Variants in ACSL5 observed in about 807,000 individuals in gnomAD.
ACSL5 encodes acyl-CoA synthetase long chain family member 5, also known as long-chain-fatty-acid--CoA ligase 5.
A neutral mutation model predicts 84.9 loss-of-function variants in ACSL5; 50 were observed. That is an observed-to-expected ratio of 0.59 (90% CI 0.47 to 0.75). ACSL5 has a LOEUF of 0.75. Ranked by LOEUF, ACSL5 falls within the 30% of genes least tolerant of loss-of-function variation. ACSL5 has a pLI of 0.00. For missense variants in ACSL5, 775 were observed against 830.4 expected, an observed-to-expected ratio of 0.93 and a Z score of 0.82; for synonymous variants, 280 against 300.7, an observed-to-expected ratio of 0.93 and a Z score of 0.71.
Position 112,394,980 on chromosome 10 carries a change from C to T in ACSL5, c.34C>T (p.Leu12Phe), listed in dbSNP as rs774593558. ...LFIFNFLFSP[L>F]PTPALICILT... is the part of the protein sequence containing the mutation. The stretch of plus-strand genomic sequence containing the variant: ...TATCTTTAACTTTTTGTTTTCCCCA[C>T]TTCCGACCCCGGCGTTGATCTGCAT... Residue 12 changes from leucine to phenylalanine, a missense_variant, in exon 2 of 21, where the codon CTT becomes TTT. Transcript: ENST00000354655. The T allele has an allele frequency of 6.2e-7, 1 of 1,613,924 alleles. No individual in the cohort carries two copies. The highest frequency in any genetic ancestry group is 8.5e-7 in the Non-Finnish European group (1 of 1,180,020).
At position 112,374,127 on chromosome 10, in the gene ACSL5, A is replaced by T. The variant is rs1461471211; in HGVS notation, c.-172A>T. Reference sequence around the variant, plus strand: ...GGAGTGTGTTGGCCACTCTCAGGACAGTACACAGTAGCTTCGGGTGTGTCC... The same window carrying T: ...GGAGTGTGTTGGCCACTCTCAGGACTGTACACAGTAGCTTCGGGTGTGTCC... On this transcript the variant is annotated 5_prime_UTR_variant, in exon 1 of 21. Coordinates refer to ENST00000354655, the MANE Select transcript of ACSL5 (RefSeq NM_203379.2). 6.6e-6 allele frequency: 1 copy of T among 152,206 alleles called. No individual in the cohort carries two copies. Among genetic ancestry groups the T allele is most frequent in the East Asian group, 1.9e-4 (1 of 5,182 alleles). The allele number at this position is 152,206 out of a possible 1,614,324, so 9.4% of individuals were successfully genotyped here. A position where few individuals can be genotyped will look rare whatever the true frequency, so the allele number is the denominator to read the frequency against.
At chr10:112,387,936 CTTTTTTT>C (rs35032191) in intron 1 of ACSL5, among the ~76,000 whole-genome samples, 4 of 118,448 alleles carry the variant, frequency 3.4e-5, no homozygotes, top group Non-Finnish European at 6.7e-5. Flanking sequence ...TTATTTGTTC[CTTTTTTT>C]TTTTTTTTTT....
chr10:112,379,127 G>A (rs1279096110), intron 1 of ACSL5, among the ~76,000 whole-genome samples: 3 of 152,014 alleles, frequency 2.0e-5, no homozygotes, highest in Non-Finnish European at 2.9e-5. Context: ...CTTGTTGGCC[G>A]GGCGCAGTGG....
At chr10:112,408,109 G>C (rs756363329) in intron 5 of ACSL5, among the ~76,000 whole-genome samples, 1 of 151,794 alleles carries the variant, frequency 6.6e-6, no homozygotes, top group Non-Finnish European at 1.5e-5. Context: ...TGCCAGAATG[G>C]GAAACATGGT....
chr10:112,401,886 CTTTCTTTCTTTCCT>C (rs1307510209), intron 3 of ACSL5, among the ~76,000 whole-genome samples: 4 of 146,438 alleles, frequency 2.7e-5, no homozygotes, highest in African/African-American at 5.0e-5. Context: ...TTCTTTCCTT[CTTTCTTTCTTTCCT>C]TTTCTTTCTT....
chr10:112,426,242 TATTTCCTTTCCATA>T lies in ACSL5; in HGVS notation c.1738-15_1738-2del. ...ACTTCTCTCATGCCCTTGCACCTTTTATTTCCTTTCCATAGTCATCCTTAGTAGGAGTGGTGGTT... is the reference window on the plus strand; with the variant it reads ...ACTTCTCTCATGCCCTTGCACCTTTTGTCATCCTTAGTAGGAGTGGTGGTT... On this transcript the variant is annotated splice_acceptor_variant and splice_polypyrimidine_tract_variant and intron_variant, in intron 18 of 20. Coordinates refer to ENST00000354655, the MANE Select transcript of ACSL5 (RefSeq NM_203379.2). LOFTEE classifies it high-confidence loss of function. 6.2e-7 allele frequency: 1 copy of T among 1,608,486 alleles called. No individual in the cohort carries two copies. The highest frequency in any genetic ancestry group is 8.5e-7 in the Non-Finnish European group (1 of 1,174,878).
At chr10:112,394,679 T>A in intron 1 of ACSL5, 1 of 911,182 alleles carries the variant, frequency 1.1e-6, no homozygotes, top group Non-Finnish European at 1.3e-6. Flanking sequence ...CTCCCTGCTC[T>A]GTGTGAGGAC....
chr10:112,398,391 T>G (rs1222596417), intron 2 of ACSL5, among the ~76,000 whole-genome samples: 4 of 151,744 alleles, frequency 2.6e-5, no homozygotes, highest in African/African-American at 4.8e-5. Context: ...TAAGCCTTTA[T>G]TACACTTTTG....
rs145725310 is a variant in ACSL5, at chr10:112,385,543, G to A, written c.-29-9375G>A. Among the ~76,000 whole-genome samples the A allele has an allele frequency of 3.9e-4, 59 of 152,306 alleles. 1 individual carries two copies. Among genetic ancestry groups the A allele is most frequent in the African/African-American group, 1.4e-3 (59 of 41,560 alleles). Reference sequence around the variant, plus strand: ...CTGGAATCTGATGCACGAGGAAAAGGCATGTCATTTAAATCTGCATTCTTA... The same window carrying A: ...CTGGAATCTGATGCACGAGGAAAAGACATGTCATTTAAATCTGCATTCTTA... On this transcript the variant is annotated intron_variant, in intron 1 of 20. Coordinates refer to ENST00000354655, the MANE Select transcript of ACSL5 (RefSeq NM_203379.2).
chr10:112,385,847 T>C (rs1420237806), intron 1 of ACSL5, among the ~76,000 whole-genome samples: 2 of 152,226 alleles, frequency 1.3e-5, no homozygotes, highest in Non-Finnish European at 1.5e-5. Flanking sequence ...TTAGGTGTTA[T>C]GTCTGTCTTG....
At chr10:112,415,602 C>T (rs1213022644) in intron 12 of ACSL5, among the ~76,000 whole-genome samples, 1 of 152,106 alleles carries the variant, frequency 6.6e-6, no homozygotes, top group Non-Finnish European at 1.5e-5. Flanking sequence ...GAGCATGGAT[C>T]TTGGAGACAG....
intron 18 of ACSL5, 82 bp downstream of exon 18, chr10:112,425,563 G>T: frequency 8.9e-7 from 1 of 1,126,588 alleles, no homozygotes. Context: ...GTATAGTTGG[G>T]TTCAGAATGA....
intron 1 of ACSL5, among the ~76,000 whole-genome samples, chr10:112,382,183 C>A (rs1408217263): frequency 6.6e-6 from 1 of 152,212 alleles, no homozygotes; most frequent in Non-Finnish European, 1.5e-5. Flanking sequence ...TCACTTAGGT[C>A]GGACTGCTTA....
intron 1 of ACSL5, among the ~76,000 whole-genome samples, chr10:112,374,958 A>G (rs1849209563): frequency 6.6e-6 from 1 of 152,106 alleles, no homozygotes; most frequent in Non-Finnish European, 1.5e-5. Flanking sequence ...GGTGTCACTC[A>G]TGTGCACAGA....
At chr10:112,381,248 G>A (rs1213446886) in intron 1 of ACSL5, among the ~76,000 whole-genome samples, 1 of 152,144 alleles carries the variant, frequency 6.6e-6, no homozygotes, top group African/African-American at 2.4e-5. Context: ...TTCTGTAAGA[G>A]TTTCTAGGAC....
At chr10:112,391,237 C>T (rs905662476) in intron 1 of ACSL5, among the ~76,000 whole-genome samples, 4 of 151,996 alleles carry the variant, frequency 2.6e-5, no homozygotes, top group Admixed American at 6.6e-5. Context: ...AAGTTAGTTG[C>T]GCATGGTGGC....
At chr10:112,417,814 G>A in intron 13 of ACSL5, 32 bp from the exon 14 acceptor site, 2 of 1,588,350 alleles carry the variant, frequency 1.3e-6, no homozygotes, top group Non-Finnish European at 1.7e-6. Flanking sequence ...AAGAGAATAG[G>A]TTTTAGTATG....
chr10:112,421,568 T>A (rs1844465519), intron 14 of ACSL5, 25 bp from the exon 15 acceptor site: 1 of 1,610,658 alleles, frequency 6.2e-7, no homozygotes, highest in Non-Finnish European at 8.5e-7. Context: ...TGAGTAAGTC[T>A]AAAAGCTCTT....
At chr10:112,383,548 A>C (rs1471321945) in intron 1 of ACSL5, among the ~76,000 whole-genome samples, 1 of 152,242 alleles carries the variant, frequency 6.6e-6, no homozygotes, top group Non-Finnish European at 1.5e-5. Flanking sequence ...CGGTTAGAGA[A>C]ATGGATGAAA....
Sources: allele counts gnomAD v4.1 joint callset (sites outside exome capture counted in the v4.1 genomes callset), GRCh38; gene constraint gnomAD v4.1.1; transcripts MANE v1.5; gene names NCBI Gene and HGNC (gene_info 2026-07-23, HGNC 2026-07-21).